Variants in CCDC102B observed in about 807,000 individuals in gnomAD.
CCDC102B encodes the protein coiled-coil domain containing 102B.
A neutral mutation model predicts 57.4 loss-of-function variants in CCDC102B; 75 were observed. That is an observed-to-expected ratio of 1.31 (90% CI 1.08 to 1.58). The LOEUF is 1.58. CCDC102B is among the 40% of genes most tolerant of loss of function. CCDC102B has a pLI of 0.00. For missense variants in CCDC102B, 636 were observed against 582.6 expected (o/e 1.09, Z -0.94); for synonymous variants, 206 against 201.9 (o/e 1.02, Z -0.17).
At chr18:68,735,443 A>C (rs963738251) in intron 2 of CCDC102B, among the ~76,000 whole-genome samples, 2 of 151,842 alleles carry the variant, frequency 1.3e-5, no homozygotes, top group East Asian at 3.9e-4. Context: ...AAAATATCCC[A>C]CTCCTTCCTT....
intron 5 of CCDC102B, among the ~76,000 whole-genome samples, chr18:68,881,297 G>A (rs570982463): frequency 5.3e-5 from 8 of 152,276 alleles, no homozygotes; most frequent in Non-Finnish European, 7.3e-5. Context: ...TTCAGATTGA[G>A]TATCACTAGA....
At chr18:68,988,885 C>T (rs1209402532) in intron 6 of CCDC102B, among the ~76,000 whole-genome samples, 1 of 152,172 alleles carries the variant, frequency 6.6e-6, no homozygotes, top group African/African-American at 2.4e-5. Flanking sequence ...ACTAACGTCA[C>T]AATGTAGGTG....
At chr18:68,934,638 T>C (rs1331130010) in intron 6 of CCDC102B, among the ~76,000 whole-genome samples, 3 of 151,956 alleles carry the variant, frequency 2.0e-5, no homozygotes, top group Admixed American at 2.0e-4. Context: ...ATTCAGTAAT[T>C]ATCCATTGAG....
rs971247385 is a variant in CCDC102B at position 69,054,251 on chromosome 18, C to T, written c.*114C>T. On this transcript the variant is annotated 3_prime_UTR_variant, in exon 8 of 8. Transcript: ENST00000360242. ...TAACTAGAAATATTAATGAAAAAAA[C>T]GTAGACAATACACAAATTAATGGGC... The T allele has an allele frequency of 4.3e-5, 58 of 1,364,246 alleles. No homozygotes were observed. The highest frequency in any genetic ancestry group is 1.8e-4 in the African/African-American group (12 of 66,390). 84.5% of individuals were successfully genotyped at this position (1,364,246 alleles called of 1,614,324 possible).
At chr18:68,895,545 C>T (rs2040213039) in intron 5 of CCDC102B, among the ~76,000 whole-genome samples, 1 of 151,528 alleles carries the variant, frequency 6.6e-6, no homozygotes, top group South Asian at 2.1e-4. Flanking sequence ...GCAATGAAGC[C>T]ATTATAATCA....
chr18:68,889,905 A>G (rs72951234), intron 5 of CCDC102B, among the ~76,000 whole-genome samples: 17 of 152,300 alleles, frequency 1.1e-4, no homozygotes, highest in Non-Finnish European at 2.1e-4. Flanking sequence ...GCATAAATCA[A>G]TGAGTGCTTA....
chr18:68,927,013 T>C (rs1050374169), intron 6 of CCDC102B, among the ~76,000 whole-genome samples: 10 of 152,098 alleles, frequency 6.6e-5, no homozygotes, highest in African/African-American at 2.4e-4. Context: ...ACAAAGCCTA[T>C]ACGATAAATG....
intron 6 of CCDC102B, among the ~76,000 whole-genome samples, chr18:68,992,380 G>C (rs976785720): frequency 2.0e-5 from 3 of 152,210 alleles, no homozygotes; most frequent in African/African-American, 4.8e-5. Context: ...AGTGATCTCC[G>C]TTGTCTCTGG....
chr18:68,921,222 G>T (rs569393584), intron 6 of CCDC102B, among the ~76,000 whole-genome samples: 1 of 152,278 alleles, frequency 6.6e-6, no homozygotes, highest in Non-Finnish European at 1.5e-5. Context: ...ATTCCCACGT[G>T]TGGTGGGAGG....
chr18:69,008,044 G>C (rs75322802), intron 6 of CCDC102B, among the ~76,000 whole-genome samples: 1 of 152,166 alleles, frequency 6.6e-6, no homozygotes, highest in Non-Finnish European at 1.5e-5. Context: ...AACTAGGTGC[G>C]TAATTCCGGA....
intron 2 of CCDC102B, among the ~76,000 whole-genome samples, chr18:68,775,653 A>AT (rs369282225): frequency 0.9 from 104,340 of 115,498 alleles, 47,950 homozygotes; most frequent in Non-Finnish European, 0.97. Flanking sequence ...TAACTCCTGG[A>AT]TTTTTTTTTT....
intron 1 of CCDC102B, among the ~76,000 whole-genome samples, chr18:68,827,063 T>G (rs981405076): frequency 4.6e-5 from 7 of 152,026 alleles, no homozygotes; most frequent in Non-Finnish European, 7.4e-5. Flanking sequence ...AAGTGATAAT[T>G]ATAGAACTGG....
chr18:69,022,493 T>C (rs977895240), intron 7 of CCDC102B, among the ~76,000 whole-genome samples: 2 of 152,078 alleles, frequency 1.3e-5, no homozygotes, highest in African/African-American at 4.8e-5. Context: ...GACCTCATTA[T>C]ATTAGAAAAA....
intron 6 of CCDC102B, among the ~76,000 whole-genome samples, chr18:68,946,577 A>G (rs1006752427): frequency 2.0e-5 from 3 of 152,072 alleles, no homozygotes; most frequent in Non-Finnish European, 2.9e-5. Flanking sequence ...GACGAACATT[A>G]TATGGCTAAG....
chr18:68,864,910 A>G (rs941263644), intron 4 of CCDC102B, among the ~76,000 whole-genome samples: 4 of 152,018 alleles, frequency 2.6e-5, no homozygotes, highest in Admixed American at 6.6e-5. Flanking sequence ...GCTCTGCCCC[A>G]TACCCTACTT....
intron 2 of CCDC102B, among the ~76,000 whole-genome samples, chr18:68,787,888 T>C (rs1243619077): frequency 1.3e-5 from 2 of 151,522 alleles, no homozygotes; most frequent in Non-Finnish European, 3.0e-5. Flanking sequence ...ATGTGTTTGC[T>C]CTTGCTTTTC....
chr18:68,999,443 T>TAAA (rs529270353), intron 6 of CCDC102B, among the ~76,000 whole-genome samples: 2 of 119,092 alleles, frequency 1.7e-5, no homozygotes, highest in Admixed American at 8.4e-5. Context: ...CTGAAAATAG[T>TAAA]AAAAAAAAAA....
intron 1 of CCDC102B, among the ~76,000 whole-genome samples, chr18:68,833,172 C>T (rs1168002989): frequency 2.6e-5 from 4 of 152,120 alleles, no homozygotes; most frequent in African/African-American, 7.2e-5. Flanking sequence ...ATTCAAATTT[C>T]CTCAGTTTCC....
chr18:68,910,541 A>C (rs2040803256), intron 6 of CCDC102B, among the ~76,000 whole-genome samples: 2 of 152,212 alleles, frequency 1.3e-5, no homozygotes, highest in Non-Finnish European at 2.9e-5. Context: ...AGAAAATATG[A>C]GAACTCCCTG....
Sources: gnomAD v4.1 joint callset for allele counts (sites outside exome capture counted in the v4.1 genomes callset) on GRCh38, gnomAD v4.1.1 for gene constraint, MANE v1.5 for transcripts, NCBI Gene and HGNC (gene_info 2026-07-23, HGNC 2026-07-21) for gene names.